Variants in CORO2A observed in about 807,000 individuals in gnomAD.
The protein encoded by CORO2A is coronin 2A.
Under a neutral mutation model 62.4 loss-of-function variants are expected in CORO2A, and 47 were observed. That is an observed-to-expected ratio of 0.75 (90% CI 0.60 to 0.96). The LOEUF is 0.96. Ranked by LOEUF, CORO2A falls within the 40% of genes least tolerant of loss-of-function variation. The probability of loss-of-function intolerance (pLI) is 0.00; values close to 1 mark genes in which losing one functional copy is unlikely to be tolerated. For missense variants in CORO2A, 610 were observed against 684.1 expected, an observed-to-expected ratio of 0.89 and a Z score of 1.21; for synonymous variants, 273 against 268.9, an observed-to-expected ratio of 1.02 and a Z score of -0.15.
At position 98,126,650 on chromosome 9, in the gene CORO2A, T is replaced by A. The variant is rs748158513; in HGVS notation, c.1345A>T (p.Met449Leu). Reference protein sequence around the residue: ...WRSSSLLEEKMPRWAAEHRLE... With the variant: ...WRSSSLLEEKLPRWAAEHRLE... Reference sequence around the variant, plus strand: ...CTGTGTTCTGCTGCCCACCTTGGCATCTTCTCCTCCAACAGGGAGGAAGAC... The same window carrying A: ...CTGTGTTCTGCTGCCCACCTTGGCAACTTCTCCTCCAACAGGGAGGAAGAC... The change falls in exon 11 of 12, where the codon ATG (methionine) becomes TTG (leucine). Residue 449 changes from methionine to leucine, a missense_variant. Physicochemically the swap from Met to Leu is conservative, Grantham distance 15 (BLOSUM62 2). Coordinates refer to ENST00000375077, the MANE Select transcript of CORO2A (RefSeq NM_052820.4). 2 of 1,614,222 alleles carry A rather than the reference T, an allele frequency of 1.2e-6. No homozygotes were observed. The highest frequency in any genetic ancestry group is 2.2e-5 in the South Asian group (2 of 91,090).
chr9:98,164,027 G>A (rs561066538), intron 1 of CORO2A, among the ~76,000 whole-genome samples: 170 of 152,266 alleles, frequency 1.1e-3, no homozygotes, highest in African/African-American at 3.8e-3. Context: ...TCGTAAATTT[G>A]TGGTTTCACA....
chr9:98,158,515 G>A (rs1827837478), intron 1 of CORO2A, among the ~76,000 whole-genome samples: 2 of 152,244 alleles, frequency 1.3e-5, no homozygotes, highest in East Asian at 3.9e-4. Context: ...TAGGCCCTGT[G>A]CCAGGTACCA....
chr9:98,165,777 G>A (rs1249224740), intron 1 of CORO2A, among the ~76,000 whole-genome samples: 5 of 152,252 alleles, frequency 3.3e-5, no homozygotes, highest in Non-Finnish European at 5.9e-5. Context: ...ATGTGATGCA[G>A]TAGTTCTCAA....
chr9:98,159,153 G>T (rs1250975080), intron 1 of CORO2A, among the ~76,000 whole-genome samples: 1 of 151,368 alleles, frequency 6.6e-6, no homozygotes, highest in Non-Finnish European at 1.5e-5. Flanking sequence ...TCAAACTCCT[G>T]ACCTCAAGGA....
chr9:98,157,582 C>G lies in CORO2A; in HGVS notation c.79G>C (p.Asp27His), dbSNP rs139922662. 277 of 1,614,110 alleles carry G rather than the reference C, an allele frequency of 1.7e-4. 1 individual carries two copies. In the African/African-American group the frequency reaches 3.6e-3, roughly 21 times the overall value. The change falls in exon 2 of 12, where the codon GAC (aspartate) becomes CAC (histidine). Residue 27 changes from aspartate to histidine, a missense_variant. By Grantham distance (81) the Asp-to-His change is moderately conservative. Transcript: ENST00000375077. ...GKPASKENCYDSVPITRSVHD... is the reference protein window; with the variant it reads ...GKPASKENCYHSVPITRSVHD... ...ACGCTGCGGGTGATAGGCACGGAGT[C>G]GTAGCAGTTCTCCTTGCTGGCTGGT...
At chr9:98,160,482 G>C in intron 1 of CORO2A, among the ~76,000 whole-genome samples, 1 of 152,182 alleles carries the variant, frequency 6.6e-6, no homozygotes, top group East Asian at 1.9e-4. Flanking sequence ...TAAGATAAAA[G>C]CCACAAGTTG....
intron 2 of CORO2A, among the ~76,000 whole-genome samples, chr9:98,151,902 T>C (rs1056291712): frequency 2.0e-5 from 3 of 149,796 alleles, no homozygotes; most frequent in Non-Finnish European, 4.4e-5. Context: ...CTGCAAGCTC[T>C]GCCTCCCGGG....
chr9:98,152,621 T>A (rs1827740429), intron 2 of CORO2A, among the ~76,000 whole-genome samples: 1 of 152,194 alleles, frequency 6.6e-6, no homozygotes, highest in South Asian at 2.1e-4. Flanking sequence ...ATGAATGATA[T>A]TTGCACTATT....
intron 1 of CORO2A, among the ~76,000 whole-genome samples, chr9:98,185,707 G>T (rs749113336): frequency 2.0e-5 from 3 of 152,220 alleles, no homozygotes; most frequent in African/African-American, 7.2e-5. Flanking sequence ...TATTGAGCAC[G>T]CCATAGACCA....
At chr9:98,154,959 T>C (rs1198369804) in intron 2 of CORO2A, among the ~76,000 whole-genome samples, 4 of 152,210 alleles carry the variant, frequency 2.6e-5, no homozygotes, top group African/African-American at 4.8e-5. Flanking sequence ...TATAAACCTA[T>C]GGTTGGTATT....
chr9:98,192,547 G>C lies in CORO2A; in HGVS notation c.-1+12C>G, dbSNP rs1828317850. 1 of 151,764 alleles carries C rather than the reference G, an allele frequency of 6.6e-6. No individual in the cohort carries two copies. Among genetic ancestry groups the C allele is most frequent in the Admixed American group, 6.6e-5 (1 of 15,224 alleles). 9.4% of individuals were successfully genotyped at this position (151,764 alleles called of 1,614,324 possible). A position where few individuals can be genotyped will look rare whatever the true frequency, so the allele number is the denominator to read the frequency against. On this transcript the variant is annotated intron_variant, in intron 1 of 11. Coordinates refer to ENST00000375077, the MANE Select transcript of CORO2A (RefSeq NM_052820.4). ...CCGGGAAGGCACGGCCGGCGGCGCA[G>C]GGCCGCCCTACCTTGATGACTGCCG... is the stretch of plus-strand genomic sequence containing the variant.
At chr9:98,154,064 G>A (rs1318333471) in intron 2 of CORO2A, among the ~76,000 whole-genome samples, 12 of 151,892 alleles carry the variant, frequency 7.9e-5, no homozygotes, top group Non-Finnish European at 4.4e-5. Flanking sequence ...TGGTCAGAAT[G>A]TATCTTTTAT....
At chr9:98,126,854 G>T (rs1827329213) in intron 10 of CORO2A, 31 bp from the exon 11 acceptor site, 2 of 1,613,202 alleles carry the variant, frequency 1.2e-6, no homozygotes, top group Non-Finnish European at 1.7e-6. Flanking sequence ...TGTGAGGACG[G>T]GGTGCCCACG....
rs536305434 is a variant in CORO2A, at chr9:98,124,690, C to T, written c.*84G>A. The T allele has an allele frequency of 6.8e-6, 9 of 1,314,850 alleles. No individual in the cohort carries two copies. The South Asian group carries it at 1.6e-4, about 23-fold the overall frequency. 81.4% of individuals were successfully genotyped at this position (1,314,850 alleles called of 1,614,324 possible). On this transcript the variant is annotated 3_prime_UTR_variant, in exon 12 of 12. Coordinates refer to ENST00000375077, the MANE Select transcript of CORO2A (RefSeq NM_052820.4). ...AAAAAATATAGAAATAGTGGTTGTC[C>T]TTGAGGGGACTTGTGGTTTGGTTCT...
chr9:98,131,063 C>A lies in CORO2A; in HGVS notation c.766-4G>T. The A allele has an allele frequency of 1.9e-6, 3 of 1,606,782 alleles. No homozygotes were observed. The highest frequency in any genetic ancestry group is 2.6e-6 in the Non-Finnish European group (3 of 1,176,110). Reference sequence around the variant, plus strand: ...TCAGAGGCACAGAGAGGTTATCCTGCAGGGGAAGGGGAGGCAGGGAAGGCC... The same window carrying A: ...TCAGAGGCACAGAGAGGTTATCCTGAAGGGGAAGGGGAGGCAGGGAAGGCC... On this transcript the variant is annotated splice_polypyrimidine_tract_variant and splice_region_variant and intron_variant, in intron 6 of 11. Transcript: ENST00000375077.
At chr9:98,181,539 C>T (rs74528222) in intron 1 of CORO2A, among the ~76,000 whole-genome samples, 1,893 of 152,058 alleles carry the variant, frequency 0.012, 46 homozygotes, top group African/African-American at 0.043. Context: ...TTGATCTTTC[C>T]GAAATATGTA....
intron 1 of CORO2A, among the ~76,000 whole-genome samples, chr9:98,177,828 G>A (rs570792717): frequency 4.2e-4 from 63 of 151,514 alleles, no homozygotes; most frequent in African/African-American, 1.5e-3. Context: ...AAGACAAAAC[G>A]TATACACAGA....
rs1244587433 is a variant in CORO2A, at chr9:98,159,397, G to A, written c.1-1737C>T. Among the ~76,000 whole-genome samples, 3 of 152,200 alleles carry A rather than the reference G, an allele frequency of 2.0e-5. No homozygotes were observed. The East Asian group carries it at 5.8e-4, about 30-fold the overall frequency. On this transcript the variant is annotated intron_variant, in intron 1 of 11. Coordinates refer to ENST00000375077, the MANE Select transcript of CORO2A (RefSeq NM_052820.4). ...ATTCATTGCTGCCCTACAGGATCAA[G>A]GCCAAATCCTTTGGCTTGGCATTCA...
intron 5 of CORO2A, 108 bp from the exon 6 acceptor site, chr9:98,132,409 T>A: frequency 1.2e-6 from 1 of 821,796 alleles, no homozygotes; most frequent in South Asian, 1.5e-5. Context: ...CTGGGAGGCC[T>A]CCCTTTCTCA....
Sources: allele counts gnomAD v4.1 joint callset (sites outside exome capture counted in the v4.1 genomes callset), GRCh38; gene constraint gnomAD v4.1.1; transcripts MANE v1.5; gene names NCBI Gene and HGNC (gene_info 2026-07-23, HGNC 2026-07-21).